The following GSTM4 variants were observed in gnomAD, a reference collection of about 807,000 sequenced individuals.
GSTM4 encodes the protein glutathione S-transferase mu 4, also known as GST class-mu 4.
GSTM4 carries 27 observed loss-of-function variants against 30.1 expected under a neutral mutation model. The ratio of observed to expected loss-of-function variants is 0.90; its 90% CI spans 0.66 to 1.24. The LOEUF (loss-of-function observed/expected upper bound fraction) is 1.24. GSTM4 is among the 50% of genes most tolerant of loss of function. The pLI, the probability that GSTM4 is intolerant of heterozygous loss-of-function variation, is 0.00. For missense variants in GSTM4, 238 were observed against 272.1 expected (o/e 0.87, Z 0.88); for synonymous variants, 94 against 96.2 (o/e 0.98, Z 0.13).
chr1:109,661,732 C>A, downstream of GSTM4: 1 of 1,040,782 alleles, frequency 9.6e-7, no homozygotes, highest in Non-Finnish European at 1.2e-6. Flanking sequence ...TTGCTCCTGG[C>A]TGCCCAGACT....
downstream of GSTM4, among the ~76,000 whole-genome samples, chr1:109,662,075 C>A (rs745345099): frequency 6.6e-6 from 1 of 152,174 alleles, no homozygotes; most frequent in African/African-American, 2.4e-5. Flanking sequence ...GATCCTCTTA[C>A]CTTGGCATCC....
rs540412263 is a variant in GSTM4, at chr1:109,657,420, A to G, written c.177+141A>G. On this transcript the variant is annotated intron_variant, in intron 3 of 7. Coordinates refer to ENST00000369836, the MANE Select transcript of GSTM4 (RefSeq NM_000850.5). ...TCCTGGTTGTCTACACAGCCCCTGC[A>G]TGATGTTCTGTGTCCCAGCTCATTT... 9.1e-5 allele frequency: 128 copies of G among 1,411,596 alleles called. 1 individual carries two copies. The African/African-American group carries it at 1.5e-3, about 17-fold the overall frequency. 87.4% of individuals were successfully genotyped at this position (1,411,596 alleles called of 1,614,324 possible). A position where few individuals can be genotyped will look rare whatever the true frequency, so the allele number is the denominator to read the frequency against.
Position 109,658,437 on chromosome 1 carries a change from G to T in GSTM4, c.361-377G>T, listed in dbSNP as rs148532859. The T allele has an allele frequency of 5.2e-4, 136 of 263,002 alleles. 2 individuals are homozygous for T. Among genetic ancestry groups the T allele is most frequent in the African/African-American group, 2.7e-3 (124 of 45,788 alleles). The allele number at this position is 263,002 out of a possible 1,614,324, so 16.3% of individuals were successfully genotyped here. ...ATGTCCATTGTATTATTCTGCCACTGCACTAGGAGGAACTTTCAACTTCTT... is the reference window on the plus strand; with the variant it reads ...ATGTCCATTGTATTATTCTGCCACTTCACTAGGAGGAACTTTCAACTTCTT... On this transcript the variant is annotated intron_variant, in intron 5 of 7. Transcript: ENST00000369836.
chr1:109,657,399 G>T (rs74114776), intron 3 of GSTM4, 120 bp downstream of exon 3: 1 of 1,449,154 alleles, frequency 6.9e-7, no homozygotes, highest in African/African-American at 1.4e-5. Context: ...TCTCACTCCT[G>T]GTTGTCTACA....
At chr1:109,658,777 T>C in intron 5 of GSTM4, 37 bp from the exon 6 acceptor site, 1 of 1,470,736 alleles carries the variant, frequency 6.8e-7, no homozygotes, top group Non-Finnish European at 9.5e-7. Flanking sequence ...GCAGGGAGCT[T>C]GTGTCTGAGG....
At chr1:109,664,913 C>A, downstream of GSTM4, 1 of 1,329,710 alleles carries the variant, frequency 7.5e-7, no homozygotes, top group Non-Finnish European at 1.1e-6. Flanking sequence ...CTACCTGTGG[C>A]TTAGTCAACT....
At chr1:109,659,473 A>G (rs916925300) in intron 7 of GSTM4, 1 of 1,087,736 alleles carries the variant, frequency 9.2e-7, no homozygotes, top group South Asian at 1.7e-5. Flanking sequence ...CTCAGGCCTC[A>G]TCCAGCCTGG....
downstream of GSTM4, among the ~76,000 whole-genome samples, chr1:109,664,379 A>ATTTTTT (rs1557955679): frequency 5.3e-4 from 8 of 15,116 alleles, no homozygotes; most frequent in African/African-American, 7.2e-4. Context: ...TTTTTTTTTG[A>ATTTTTT]TGTGGAGTCT....
chr1:109,664,342 T>C (rs559614224), downstream of GSTM4, among the ~76,000 whole-genome samples: 8 of 45,814 alleles, frequency 1.7e-4, no homozygotes, highest in South Asian at 3.4e-3. Flanking sequence ...AGAGAATAGC[T>C]TTTTTTTTTT....
rs1557952617 is a variant in GSTM4 at position 109,658,919 on chromosome 1, G to A, written c.456+10G>A. Reference sequence around the variant, plus strand: ...GTTTGTTGGAGACAAGGTAATGGGGGCATGTGATGAGGACACTAGAGATTT... The same window carrying A: ...GTTTGTTGGAGACAAGGTAATGGGGACATGTGATGAGGACACTAGAGATTT... On this transcript the variant is annotated intron_variant, in intron 6 of 7. Transcript: ENST00000369836. 6.2e-7 allele frequency: 1 copy of A among 1,611,594 alleles called. No homozygotes were observed. Among genetic ancestry groups the A allele is most frequent in the African/African-American group, 1.3e-5 (1 of 75,000 alleles).
At chr1:109,656,677 C>A (rs1370163454) in intron 1 of GSTM4, 35 bp from the exon 2 acceptor site, 1 of 1,600,784 alleles carries the variant, frequency 6.2e-7, no homozygotes, top group South Asian at 1.1e-5. Context: ...AGGGACCCTC[C>A]ATCTCTGACA....
downstream of GSTM4, chr1:109,664,984 A>G (rs201126375): frequency 3.9e-4 from 633 of 1,611,716 alleles, no homozygotes; most frequent in Non-Finnish European, 1.3e-4. Flanking sequence ...AATAGGCACA[A>G]TGTAATTAAT....
In GSTM4 at chr1:109,656,199, G is replaced by T; in HGVS notation, c.-191G>T. ...CAGCAACCTGCTCCGTGCCTCCCGC[G>T]CCTGTTGGTTGGAAGTGACGACCTT... On this transcript the variant is annotated 5_prime_UTR_variant, in exon 1 of 8. Coordinates refer to ENST00000369836, the MANE Select transcript of GSTM4 (RefSeq NM_000850.5). 1 of 652,626 alleles carries T rather than the reference G, an allele frequency of 1.5e-6. No homozygotes were observed. The allele number at this position is 652,626 out of a possible 1,614,324, so 40.4% of individuals were successfully genotyped here. A position where few individuals can be genotyped will look rare whatever the true frequency, so the allele number is the denominator to read the frequency against.
chr1:109,667,322 A>G (rs1163307426), downstream of GSTM4, among the ~76,000 whole-genome samples: 1 of 145,816 alleles, frequency 6.9e-6, no homozygotes, highest in Non-Finnish European at 1.5e-5. Context: ...TTAACTTTTT[A>G]TTTTGATTTA....
intron 7 of GSTM4, chr1:109,659,512 G>A: frequency 1.4e-6 from 1 of 697,366 alleles, no homozygotes; most frequent in Non-Finnish European, 2.2e-6. Context: ...CTTTGGAAGA[G>A]GCAGAGAACT....
At position 109,657,610 on chromosome 1, in the gene GSTM4, G is replaced by T. The variant is rs1467753041; in HGVS notation, c.198G>T (p.Gly66=). ...DFPNLPYLID[G]AHKITQSNAI... is the part of the protein sequence containing the mutation. Reference sequence around the variant, plus strand: ...TCCAGCTGCCCTACTTGATTGATGGGGCTCACAAGATCACCCAGAGCAACG... The same window carrying T: ...TCCAGCTGCCCTACTTGATTGATGGTGCTCACAAGATCACCCAGAGCAACG... Residue 66 remains glycine (G), a synonymous_variant, in exon 4 of 8, where the codon GGG becomes GGT. Transcript: ENST00000369836. The T allele has an allele frequency of 1.9e-6, 3 of 1,614,082 alleles. No individual in the cohort carries two copies. In the African/African-American group the frequency reaches 4.0e-5, roughly 22 times the overall value.
intron 5 of GSTM4, 169 bp downstream of exon 5, chr1:109,658,041 C>T (rs1209002374): frequency 1.6e-5 from 10 of 620,554 alleles, no homozygotes; most frequent in Non-Finnish European, 2.3e-5. Flanking sequence ...TGAAATCAGT[C>T]CCCACCAATC....
chr1:109,665,308 A>G, downstream of GSTM4: 1 of 545,196 alleles, frequency 1.8e-6, no homozygotes, highest in Non-Finnish European at 3.3e-6. Context: ...AGACTTGATC[A>G]GGGACTAACA....
At chr1:109,656,587 T>TGTGTGTGTGTGTGTGTGC in intron 1 of GSTM4, 125 bp from the exon 2 acceptor site, 1 of 601,882 alleles carries the variant, frequency 1.7e-6, no homozygotes, top group Non-Finnish European at 2.9e-6. Flanking sequence ...TGTGTGTGTG[T>TGTGTGTGTGTGTGTGTGC]GTGCGTGCGC....
Sources: gnomAD v4.1 joint callset for allele counts (sites outside exome capture counted in the v4.1 genomes callset) on GRCh38, gnomAD v4.1.1 for gene constraint, MANE v1.5 for transcripts, NCBI Gene and HGNC (gene_info 2026-07-23, HGNC 2026-07-21) for gene names.